The following CLEC1A variants were observed in gnomAD, a reference collection of about 807,000 sequenced individuals.
CLEC1A encodes the protein C-type lectin domain family 1 member A, also known as C-type lectin-like receptor-1.
CLEC1A carries 34 observed loss-of-function variants against 28.7 expected under a neutral mutation model. That is an observed-to-expected ratio of 1.18 (90% confidence interval 0.90 to 1.57). The LOEUF is 1.57. Ranked by LOEUF, CLEC1A falls within the 40% of genes most tolerant of loss-of-function variation. The probability of loss-of-function intolerance (pLI) is 0.00; values close to 1 mark genes in which losing one functional copy is unlikely to be tolerated. For missense variants in CLEC1A, 385 were observed against 339.5 expected (o/e 1.13, Z -1.05); for synonymous variants, 116 against 121.0 (o/e 0.96, Z 0.27).
chr12:10,073,199 G>A, intron 5 of CLEC1A, 94 bp downstream of exon 5: 1 of 867,942 alleles, frequency 1.2e-6, no homozygotes, highest in Non-Finnish European at 1.9e-6. Flanking sequence ...GCAGAAGTTT[G>A]ATTAATACTT....
At chr12:10,072,944 G>A (rs1162840234) in intron 5 of CLEC1A, among the ~76,000 whole-genome samples, 1 of 152,182 alleles carries the variant, frequency 6.6e-6, no homozygotes, top group African/African-American at 2.4e-5. Context: ...GCTGCATGTA[G>A]TGGTGCACGC....
intron 1 of CLEC1A, among the ~76,000 whole-genome samples, chr12:10,098,599 G>A (rs546608166): frequency 6.6e-6 from 1 of 152,054 alleles, no homozygotes; most frequent in East Asian, 1.9e-4. Context: ...GATTGGCTGA[G>A]TGGCCCAGGA....
intron 1 of CLEC1A, chr12:10,092,501 C>T (rs1486607417): frequency 4.0e-5 from 14 of 351,680 alleles, no homozygotes; most frequent in Admixed American, 1.6e-4. Flanking sequence ...GAGTCGTGAT[C>T]GTGCCACTCT....
intron 2 of CLEC1A, among the ~76,000 whole-genome samples, chr12:10,085,895 G>C (rs1220936828): frequency 1.3e-5 from 2 of 152,096 alleles, no homozygotes; most frequent in African/African-American, 4.8e-5. Context: ...TTCTTTTTAT[G>C]AGCACATGTA....
At chr12:10,087,127 C>T (rs1248131971) in intron 2 of CLEC1A, among the ~76,000 whole-genome samples, 1 of 140,544 alleles carries the variant, frequency 7.1e-6, no homozygotes, top group African/African-American at 2.6e-5. Flanking sequence ...ATCCCTTGAA[C>T]CCGGGAGGCG....
chr12:10,071,315 G>T lies in CLEC1A; in HGVS notation c.*18C>A. ...CACCGCCTGGCTCACTCTGCTATTT[G>T]TAGTTGCAGAGGGCGAATCAGTCAC... is the stretch of plus-strand genomic sequence containing the variant. On this transcript the variant is annotated 3_prime_UTR_variant, in exon 6 of 6. Coordinates refer to ENST00000315330, the MANE Select transcript of CLEC1A (RefSeq NM_016511.4). The T allele has an allele frequency of 1.9e-6, 3 of 1,607,548 alleles. No homozygotes were observed. Among genetic ancestry groups the T allele is most frequent in the Non-Finnish European group, 2.6e-6 (3 of 1,176,320 alleles).
intron 2 of CLEC1A, among the ~76,000 whole-genome samples, chr12:10,086,459 T>C (rs1361560929): frequency 6.6e-6 from 1 of 151,298 alleles, no homozygotes; most frequent in Admixed American, 6.6e-5. Flanking sequence ...GCAAGGTTAA[T>C]CAAGAAAAGG....
chr12:10,090,502 T>G (rs938402088), intron 1 of CLEC1A, among the ~76,000 whole-genome samples: 2 of 152,112 alleles, frequency 1.3e-5, no homozygotes, highest in African/African-American at 2.4e-5. Context: ...TGAGCTCAAG[T>G]GATCCTCTAA....
At chr12:10,092,509 T>C (rs1178549475) in intron 1 of CLEC1A, 1 of 322,266 alleles carries the variant, frequency 3.1e-6, no homozygotes, top group Non-Finnish European at 6.4e-6. Flanking sequence ...ATCGTGCCAC[T>C]CTACTCCAGC....
At position 10,070,152 on chromosome 12, in the gene CLEC1A, A is replaced by T. The variant is rs1345668013; in HGVS notation, c.*1181T>A. 1 of 152,198 alleles carries T rather than the reference A, an allele frequency of 6.6e-6. No individual in the cohort carries two copies. Among genetic ancestry groups the T allele is most frequent in the Non-Finnish European group, 1.5e-5 (1 of 68,042 alleles). 9.4% of individuals were successfully genotyped at this position (152,198 alleles called of 1,614,324 possible). ...GCCTCACAAAGGAGCAGCTACAAAG[A>T]TGTCACTGTCTCTGTTCATTTCCCA... On this transcript the variant is annotated 3_prime_UTR_variant, in exon 6 of 6. Coordinates refer to ENST00000315330, the MANE Select transcript of CLEC1A (RefSeq NM_016511.4).
chr12:10,080,611 C>G (rs1866347569), intron 3 of CLEC1A, among the ~76,000 whole-genome samples: 1 of 152,134 alleles, frequency 6.6e-6, no homozygotes. Context: ...AGAGAGCTGA[C>G]CTGAATAAAG....
chr12:10,078,449 C>A (rs778701738), intron 3 of CLEC1A, among the ~76,000 whole-genome samples: 1 of 152,172 alleles, frequency 6.6e-6, no homozygotes, highest in Non-Finnish European at 1.5e-5. Flanking sequence ...ACTCCCTCAA[C>A]TTTTCAAGTC....
intron 1 of CLEC1A, among the ~76,000 whole-genome samples, chr12:10,089,872 A>G (rs1272148968): frequency 6.6e-6 from 1 of 152,198 alleles, no homozygotes; most frequent in Non-Finnish European, 1.5e-5. Flanking sequence ...TTTCAGAAAG[A>G]TGAATCTAAA....
chr12:10,097,265 A>T (rs1279493101), intron 1 of CLEC1A, among the ~76,000 whole-genome samples: 1 of 152,256 alleles, frequency 6.6e-6, no homozygotes, highest in Non-Finnish European at 1.5e-5. Context: ...ATTCTAAAAA[A>T]TAAAAGTTGC....
intron 1 of CLEC1A, among the ~76,000 whole-genome samples, chr12:10,093,611 A>G (rs1289029424): frequency 6.6e-6 from 1 of 152,002 alleles, no homozygotes; most frequent in Non-Finnish European, 1.5e-5. Context: ...TACCTATGAA[A>G]TGCAAAAGGT....
rs369543598 is a variant in CLEC1A at position 10,090,995 on chromosome 12, T to C, written c.116-1773A>G. On this transcript the variant is annotated intron_variant, in intron 1 of 5. Transcript: ENST00000315330. ...TGTACTCCTCACAACGGTCTCCCGT[T>C]TAGTCCTTGATCTGATCAAGCTTGA... 5.0e-4 allele frequency among the ~76,000 whole-genome samples: 76 copies of C among 152,298 alleles called. 1 individual carries two copies. The Middle Eastern group carries it at 0.017, about 34-fold the overall frequency.
rs1421563378 is a variant in CLEC1A at position 10,071,358 on chromosome 12, G to C, written c.818C>G (p.Pro273Arg). ...MVKPESLHVPPETLGEGD is the reference protein window; with the variant it reads ...MVKPESLHVPRETLGEGD ...TCAGTCACCTTCGCCTAATGTTTCA[G>C]GGGGGACATGGAGGCTCTCTGGCTT... The change falls in exon 6 of 6, where the codon CCT becomes CGT. Residue 273 changes from proline (P) to arginine (R), a missense_variant. Pro to Arg is a moderately radical substitution (Grantham distance 103). Transcript: ENST00000315330. The C allele has an allele frequency of 3.7e-6, 6 of 1,613,326 alleles. No individual in the cohort carries two copies. The Admixed American group carries it at 6.7e-5, about 18-fold the overall frequency.
chr12:10,098,549 G>T (rs564290637), intron 1 of CLEC1A, among the ~76,000 whole-genome samples: 1 of 152,160 alleles, frequency 6.6e-6, no homozygotes, highest in Non-Finnish European at 1.5e-5. Context: ...ATTACCATGT[G>T]AGTCCTTTTC....
In CLEC1A at chr12:10,075,387, C is replaced by T. The variant is rs567845673; in HGVS notation, c.543+117G>A. ...ATAGGAATAAGACTCAGGCCCTGAT[C>T]GAAACAGGTTCGAAAACCTGTGGAC... On this transcript the variant is annotated intron_variant, in intron 4 of 5. Coordinates refer to ENST00000315330, the MANE Select transcript of CLEC1A (RefSeq NM_016511.4). 7 of 1,051,820 alleles carry T rather than the reference C, an allele frequency of 6.7e-6. No individual in the cohort carries two copies. In the East Asian group the frequency reaches 7.2e-5, roughly 11 times the overall value. The allele number at this position is 1,051,820 out of a possible 1,614,324, so 65.2% of individuals were successfully genotyped here.
Sources: allele counts gnomAD v4.1 joint callset (sites outside exome capture counted in the v4.1 genomes callset), GRCh38; gene constraint gnomAD v4.1.1; transcripts MANE v1.5; gene names NCBI Gene and HGNC (gene_info 2026-07-23, HGNC 2026-07-21).